Variants in GRIA1 observed in about 807,000 individuals in gnomAD.
GRIA1 encodes glutamate ionotropic receptor AMPA type subunit 1, also known as glutamate receptor 1.
In GRIA1, 31 loss-of-function variants were observed where a neutral mutation model predicts 99.2. That is an observed-to-expected ratio of 0.31 (90% confidence interval 0.23 to 0.42). The LOEUF (loss-of-function observed/expected upper bound fraction) is 0.42, where lower values mean the gene tolerates loss of function less well. GRIA1 is among the 10% of genes least tolerant of loss of function. GRIA1 has a pLI of 1.00. For synonymous variants in GRIA1, 438 were observed against 432.4 expected (o/e 1.01, Z -0.16); for missense variants, 782 against 1,157.5 (o/e 0.68, Z 4.71).
intron 2 of GRIA1, among the ~76,000 whole-genome samples, chr5:153,498,713 A>T (rs1272591964): frequency 3.9e-5 from 6 of 152,142 alleles, no homozygotes; most frequent in Non-Finnish European, 8.8e-5. Context: ...TGGCATAAAA[A>T]TCCAGATTTC....
At chr5:153,789,981 A>G (rs1361849559) in intron 13 of GRIA1, among the ~76,000 whole-genome samples, 1 of 152,206 alleles carries the variant, frequency 6.6e-6, no homozygotes, top group Non-Finnish European at 1.5e-5. Flanking sequence ...TCTGAGTTGG[A>G]AATTCTATTA....
chr5:153,543,725 A>T (rs1759349871), intron 2 of GRIA1, among the ~76,000 whole-genome samples: 2 of 152,212 alleles, frequency 1.3e-5, no homozygotes, highest in African/African-American at 4.8e-5. Context: ...CTCTTTGAAA[A>T]CTGTCAAGTC....
chr5:153,494,940 C>T (rs544658544), intron 2 of GRIA1, among the ~76,000 whole-genome samples: 1 of 152,240 alleles, frequency 6.6e-6, no homozygotes, highest in African/African-American at 2.4e-5. Context: ...GCACGATAGT[C>T]TTGGTGTGTC....
At chr5:153,538,394 T>C (rs542603409) in intron 2 of GRIA1, among the ~76,000 whole-genome samples, 51 of 152,138 alleles carry the variant, frequency 3.4e-4, no homozygotes, top group Non-Finnish European at 6.2e-4. Flanking sequence ...GGAAGCAATG[T>C]GAAACAAAGA....
chr5:153,541,928 CAAAAAA>C (rs57442019), intron 2 of GRIA1, among the ~76,000 whole-genome samples: 5 of 97,428 alleles, frequency 5.1e-5, no homozygotes, highest in Admixed American at 1.4e-4. Context: ...GATCCTGTTT[CAAAAAA>C]AAAAAAAAAA....
At chr5:153,661,613 C>T (rs1478991823) in intron 5 of GRIA1, among the ~76,000 whole-genome samples, 1 of 152,030 alleles carries the variant, frequency 6.6e-6, no homozygotes, top group Admixed American at 6.5e-5. Flanking sequence ...TGTTGAATTC[C>T]CAGGGCCTGG....
intron 2 of GRIA1, among the ~76,000 whole-genome samples, chr5:153,533,939 A>G (rs1361699337): frequency 1.3e-5 from 2 of 152,240 alleles, no homozygotes; most frequent in Non-Finnish European, 2.9e-5. Flanking sequence ...CTATGTGAAA[A>G]AAGTGCAGAG....
chr5:153,665,445 T>C (rs1405447347), intron 5 of GRIA1, among the ~76,000 whole-genome samples: 1 of 152,208 alleles, frequency 6.6e-6, no homozygotes, highest in East Asian at 1.9e-4. Flanking sequence ...CCTTGTTTAA[T>C]TAGAGGGAAC....
intron 2 of GRIA1, among the ~76,000 whole-genome samples, chr5:153,639,430 C>G (rs1321017688): frequency 1.3e-5 from 2 of 152,206 alleles, no homozygotes; most frequent in Non-Finnish European, 2.9e-5. Context: ...CAGTCTTGTT[C>G]CTGAGCCTCA....
chr5:153,592,635 C>T (rs188722208), intron 2 of GRIA1, among the ~76,000 whole-genome samples: 1 of 152,280 alleles, frequency 6.6e-6, no homozygotes, highest in East Asian at 1.9e-4. Context: ...TGGATTCCAG[C>T]TCTCATAGGG....
At chr5:153,497,194 C>G (rs541218810) in intron 2 of GRIA1, among the ~76,000 whole-genome samples, 1 of 152,216 alleles carries the variant, frequency 6.6e-6, no homozygotes, top group South Asian at 2.1e-4. Context: ...AATCAGCAAC[C>G]CAATGCCTTG....
intron 2 of GRIA1, among the ~76,000 whole-genome samples, chr5:153,515,830 G>C (rs1236830632): frequency 6.6e-6 from 1 of 152,172 alleles, no homozygotes; most frequent in Admixed American, 6.5e-5. Context: ...TTTTTAACCA[G>C]ATTGTGTCCA....
At chr5:153,788,641 C>T (rs1765118717) in intron 13 of GRIA1, among the ~76,000 whole-genome samples, 1 of 152,192 alleles carries the variant, frequency 6.6e-6, no homozygotes, top group Non-Finnish European at 1.5e-5. Flanking sequence ...CCTTTTGTTT[C>T]CTTTATAACA....
At chr5:153,700,878 A>C (rs770977087) in intron 10 of GRIA1, among the ~76,000 whole-genome samples, 1 of 152,220 alleles carries the variant, frequency 6.6e-6, no homozygotes, top group Non-Finnish European at 1.5e-5. Context: ...TCAGGGAGGT[A>C]GCTTTTGAGA....
intron 4 of GRIA1, 75 bp from the exon 5 acceptor site, chr5:153,655,744 T>C (rs1403398791): frequency 8.1e-7 from 1 of 1,241,134 alleles, no homozygotes; most frequent in Non-Finnish European, 1.2e-6. Context: ...CGATATCAGC[T>C]GCCGTTATTA....
chr5:153,602,385 T>G (rs1457028988), intron 2 of GRIA1, among the ~76,000 whole-genome samples: 196 of 111,998 alleles, frequency 1.8e-3, no homozygotes, highest in African/African-American at 2.6e-3. Flanking sequence ...TGTTGTGGGG[T>G]GGGGGGAGTG....
chr5:153,501,867 A>C (rs549920844), intron 2 of GRIA1, among the ~76,000 whole-genome samples: 1 of 152,290 alleles, frequency 6.6e-6, no homozygotes, highest in Non-Finnish European at 1.5e-5. Context: ...AGAACTGGTG[A>C]GGCTGTGTGG....
At chr5:153,503,265 T>C (rs1241316823) in intron 2 of GRIA1, among the ~76,000 whole-genome samples, 3 of 152,232 alleles carry the variant, frequency 2.0e-5, no homozygotes, top group Admixed American at 6.5e-5. Context: ...ATTTCTAGTA[T>C]GTGCAGAACT....
At chr5:153,736,511 A>G (rs1241487285) in intron 11 of GRIA1, among the ~76,000 whole-genome samples, 1 of 152,222 alleles carries the variant, frequency 6.6e-6, no homozygotes, top group Non-Finnish European at 1.5e-5. Context: ...ATAGTGATTC[A>G]TAGTTCCTGT....
Sources: allele counts gnomAD v4.1 joint callset (sites outside exome capture counted in the v4.1 genomes callset), GRCh38; gene constraint gnomAD v4.1.1; transcripts MANE v1.5; gene names NCBI Gene and HGNC (gene_info 2026-07-23, HGNC 2026-07-21).